EIF4EBP1: variants seen among roughly 807,000 people sequenced by gnomAD.
EIF4EBP1 encodes the protein eukaryotic translation initiation factor 4E binding protein 1, also known as eukaryotic translation initiation factor 4E-binding protein 1.
EIF4EBP1 carries 5 observed loss-of-function variants against 9.2 expected under a neutral mutation model. That is an observed-to-expected ratio of 0.54 (90% confidence interval 0.28 to 1.14). The LOEUF (loss-of-function observed/expected upper bound fraction) is 1.14, where lower values mean the gene tolerates loss of function less well. Ranked by LOEUF, EIF4EBP1 falls within the 50% of genes most tolerant of loss-of-function variation. The probability of loss-of-function intolerance (pLI) is 0.09; values close to 1 mark genes in which losing one functional copy is unlikely to be tolerated. For synonymous variants in EIF4EBP1, 62 were observed against 67.0 expected, an observed-to-expected ratio of 0.93 and a Z score of 0.36; for missense variants, 139 against 169.6, an observed-to-expected ratio of 0.82 and a Z score of 1.00.
chr8:38,050,408 G>A (rs1563235033), intron 1 of EIF4EBP1, among the ~76,000 whole-genome samples: 1 of 152,092 alleles, frequency 6.6e-6, no homozygotes, highest in Admixed American at 6.6e-5. Flanking sequence ...GAGTATAGTG[G>A]TGCAGTCTTA....
At chr8:38,032,790 T>C (rs1312307970) in intron 1 of EIF4EBP1, among the ~76,000 whole-genome samples, 3 of 152,230 alleles carry the variant, frequency 2.0e-5, no homozygotes. Flanking sequence ...CCTGGCTGAC[T>C]TCCACTAAAG....
intron 1 of EIF4EBP1, among the ~76,000 whole-genome samples, chr8:38,050,643 CG>C (rs2130394122): frequency 6.6e-6 from 1 of 152,194 alleles, no homozygotes; most frequent in African/African-American, 2.4e-5. Context: ...GACAGGGTCT[CG>C]CTCTTTCGCT....
intron 1 of EIF4EBP1, among the ~76,000 whole-genome samples, chr8:38,048,389 T>A (rs989440651): frequency 7.9e-5 from 12 of 152,092 alleles, no homozygotes; most frequent in African/African-American, 1.9e-4. Context: ...ATATATATAT[T>A]TTTTAAAAAA....
At chr8:38,055,623 T>C (rs1809584306) in intron 1 of EIF4EBP1, among the ~76,000 whole-genome samples, 1 of 151,466 alleles carries the variant, frequency 6.6e-6, no homozygotes, top group African/African-American at 2.4e-5. Context: ...TATTATATTA[T>C]TGTATATTAA....
At chr8:38,059,179 G>A (rs543007286) in intron 2 of EIF4EBP1, among the ~76,000 whole-genome samples, 2 of 152,316 alleles carry the variant, frequency 1.3e-5, no homozygotes, top group East Asian at 3.9e-4. Context: ...AATCCCCAGT[G>A]TTGGAGGTAG....
At position 38,030,664 on chromosome 8, in the gene EIF4EBP1, C is replaced by G. The variant is rs1400721950; in HGVS notation, c.91C>G (p.Pro31Ala). 4.0e-6 allele frequency: 6 copies of G among 1,502,102 alleles called. No individual in the cohort carries two copies. The highest frequency in any genetic ancestry group is 5.3e-6 in the Non-Finnish European group (6 of 1,131,768). 93.0% of individuals were successfully genotyped at this position (1,502,102 alleles called of 1,614,324 possible). A position where few individuals can be genotyped will look rare whatever the true frequency, so the allele number is the denominator to read the frequency against. ...VVLGDGVQLP[P>A]GDYSTTPGGT... ...GCTCGGCGACGGCGTGCAGCTCCCG[C>G]CCGGGGACTACAGCACGACCCCCGG... The change falls in exon 1 of 3, where the codon CCC (proline) becomes GCC (alanine). Residue 31 changes from proline to alanine, a missense_variant. Coordinates refer to ENST00000338825, the MANE Select transcript of EIF4EBP1 (RefSeq NM_004095.4).
At chr8:38,036,679 T>A (rs1436173769) in intron 1 of EIF4EBP1, among the ~76,000 whole-genome samples, 1 of 151,004 alleles carries the variant, frequency 6.6e-6, no homozygotes, top group Non-Finnish European at 1.5e-5. Flanking sequence ...CTTTTTTTTT[T>A]AATTTGAAAC....
At chr8:38,037,604 T>C (rs1354401134) in intron 1 of EIF4EBP1, among the ~76,000 whole-genome samples, 1 of 151,868 alleles carries the variant, frequency 6.6e-6, no homozygotes, top group Non-Finnish European at 1.5e-5. Flanking sequence ...TGAGCTACCA[T>C]GCCTGGTCAG....
chr8:38,037,704 G>A lies in EIF4EBP1; in HGVS notation c.145+6986G>A, dbSNP rs1398313803. On this transcript the variant is annotated intron_variant, in intron 1 of 2. Coordinates refer to ENST00000338825, the MANE Select transcript of EIF4EBP1 (RefSeq NM_004095.4). ...CCTTTTCTGTCCTTTCAGTTGCAGG[G>A]TATAAGTGTTTATCTCAGAATGTCC... Among the ~76,000 whole-genome samples the A allele has an allele frequency of 2.6e-5, 4 of 152,210 alleles. No homozygotes were observed. In the East Asian group the frequency reaches 7.7e-4, roughly 29 times the overall value.
At chr8:38,034,283 A>T (rs1809271038) in intron 1 of EIF4EBP1, among the ~76,000 whole-genome samples, 1 of 151,968 alleles carries the variant, frequency 6.6e-6, no homozygotes, top group South Asian at 2.1e-4. Context: ...CCTGGGCTCA[A>T]GCAGTCCTCC....
chr8:38,039,402 CTTTTTT>C (rs56390718), intron 1 of EIF4EBP1, among the ~76,000 whole-genome samples: 2 of 89,008 alleles, frequency 2.2e-5, no homozygotes, highest in African/African-American at 8.3e-5. Context: ...GTACTAAATA[CTTTTTT>C]TTTTTTTTTT....
chr8:38,041,783 G>A (rs527576999), intron 1 of EIF4EBP1, among the ~76,000 whole-genome samples: 1 of 152,270 alleles, frequency 6.6e-6, no homozygotes, highest in African/African-American at 2.4e-5. Flanking sequence ...TTGAGGCCAG[G>A]AGTTGGAGAC....
At chr8:38,039,847 C>A (rs1415900758) in intron 1 of EIF4EBP1, among the ~76,000 whole-genome samples, 1 of 152,000 alleles carries the variant, frequency 6.6e-6, no homozygotes, top group Non-Finnish European at 1.5e-5. Flanking sequence ...GTGGATGTGA[C>A]TTTTTTTCTT....
At chr8:38,056,309 T>A (rs1809594108) in intron 1 of EIF4EBP1, among the ~76,000 whole-genome samples, 1 of 152,180 alleles carries the variant, frequency 6.6e-6, no homozygotes, top group South Asian at 2.1e-4. Context: ...TTATTTTTAC[T>A]ACTCTGGTTG....
chr8:38,059,260 A>T (rs148786481), intron 2 of EIF4EBP1, among the ~76,000 whole-genome samples: 261 of 152,192 alleles, frequency 1.7e-3, no homozygotes, highest in African/African-American at 6.0e-3. Context: ...ATGATAGTGA[A>T]TGAGTTCTCT....
intron 1 of EIF4EBP1, among the ~76,000 whole-genome samples, chr8:38,043,047 A>G (rs781384395): frequency 1.3e-5 from 2 of 152,210 alleles, no homozygotes; most frequent in Non-Finnish European, 1.5e-5. Context: ...AGTCTGGGTG[A>G]CAGAGTGAGA....
intron 1 of EIF4EBP1, among the ~76,000 whole-genome samples, chr8:38,034,369 A>G (rs535566880): frequency 2.0e-5 from 3 of 152,262 alleles, no homozygotes; most frequent in Non-Finnish European, 2.9e-5. Context: ...TTCCATGGTC[A>G]TTAACCATTT....
intron 1 of EIF4EBP1, among the ~76,000 whole-genome samples, chr8:38,040,007 G>A (rs1301545476): frequency 6.6e-6 from 1 of 152,078 alleles, no homozygotes; most frequent in East Asian, 1.9e-4. Context: ...TCCTGCCTCA[G>A]CTTCCCGAGT....
At chr8:38,045,980 A>C (rs762395334) in intron 1 of EIF4EBP1, among the ~76,000 whole-genome samples, 3 of 151,544 alleles carry the variant, frequency 2.0e-5, no homozygotes, top group Non-Finnish European at 4.4e-5. Context: ...ATTTTGGCTC[A>C]CTGCAACCTC....
Sources: allele counts gnomAD v4.1 joint callset (sites outside exome capture counted in the v4.1 genomes callset), GRCh38; gene constraint gnomAD v4.1.1; transcripts MANE v1.5; gene names NCBI Gene and HGNC (gene_info 2026-07-23, HGNC 2026-07-21).